The following CD6 variants were observed in gnomAD, a reference collection of about 807,000 sequenced individuals.
The protein encoded by CD6 is CD6 molecule, also known as T-cell differentiation antigen CD6.
CD6 carries 53 observed loss-of-function variants against 75.3 expected under a neutral mutation model. That is an observed-to-expected ratio of 0.70 (90% CI 0.56 to 0.88). The LOEUF is 0.88. Ranked by LOEUF, CD6 falls within the 40% of genes least tolerant of loss-of-function variation. The pLI is 0.00. For missense variants in CD6, 770 were observed against 897.1 expected, an observed-to-expected ratio of 0.86 and a Z score of 1.81; for synonymous variants, 359 against 381.5, an observed-to-expected ratio of 0.94 and a Z score of 0.69.
chr11:60,992,899 TCTC>T (rs1174111459), intron 1 of CD6, among the ~76,000 whole-genome samples: 3 of 151,908 alleles, frequency 2.0e-5, no homozygotes, highest in Non-Finnish European at 4.4e-5. Flanking sequence ...TGAATATTCT[TCTC>T]CTCCTCTCAG....
chr11:61,002,680 C>G (rs972726843), intron 1 of CD6, among the ~76,000 whole-genome samples: 4 of 152,110 alleles, frequency 2.6e-5, no homozygotes, highest in Admixed American at 6.5e-5. Context: ...AACAAAGTAC[C>G]ACAGAGTGAG....
chr11:60,999,337 G>A (rs549413194), intron 1 of CD6, among the ~76,000 whole-genome samples: 5 of 151,034 alleles, frequency 3.3e-5, no homozygotes, highest in Admixed American at 1.3e-4. Flanking sequence ...CTAGTGAGCC[G>A]ATGGTTGTCA....
chr11:61,019,133 G>C (rs1859561522), intron 12 of CD6, 121 bp from the exon 13 acceptor site: 1 of 667,922 alleles, frequency 1.5e-6, no homozygotes, highest in Admixed American at 2.5e-5. Flanking sequence ...AAGATGATCA[G>C]ATGGCTTCAT....
At chr11:60,998,735 T>A (rs1028188430) in intron 1 of CD6, among the ~76,000 whole-genome samples, 1 of 151,846 alleles carries the variant, frequency 6.6e-6, no homozygotes, top group South Asian at 2.1e-4. Flanking sequence ...ACTGTATTAG[T>A]ACTTCAAGCT....
rs575048431 is a variant in CD6, at chr11:61,005,965, A to G, written c.50-609A>G. On this transcript the variant is annotated intron_variant, in intron 1 of 12. Coordinates refer to ENST00000313421, the MANE Select transcript of CD6 (RefSeq NM_006725.5). ...AAAAAGAAAGAAAGAAAGAAAGTAA[A>G]TGGAACAATATATGCAAATATGCAA... 7.2e-5 allele frequency among the ~76,000 whole-genome samples: 11 copies of G among 152,208 alleles called. No individual in the cohort carries two copies. The South Asian group carries it at 2.3e-3, about 32-fold the overall frequency.
rs1590714952 is a variant in CD6, at chr11:61,008,412, G to A, written c.470-122G>A. 3 of 941,326 alleles carry A rather than the reference G, an allele frequency of 3.2e-6. No individual in the cohort carries two copies. In the East Asian group the frequency reaches 8.0e-5, roughly 25 times the overall value. The allele number at this position is 941,326 out of a possible 1,614,324, so 58.3% of individuals were successfully genotyped here. A position where few individuals can be genotyped will look rare whatever the true frequency, so the allele number is the denominator to read the frequency against. On this transcript the variant is annotated intron_variant, in intron 3 of 12. Transcript: ENST00000313421. Reference sequence around the variant, plus strand: ...GGGGGGATTCCCAGTCTTGCCTACCGGGCTACAGCCCTCTCACTGGGTCCA... The same window carrying A: ...GGGGGGATTCCCAGTCTTGCCTACCAGGCTACAGCCCTCTCACTGGGTCCA...
chr11:61,013,789 C>T (rs886798151), intron 7 of CD6, 130 bp from the exon 8 acceptor site: 51 of 732,830 alleles, frequency 7.0e-5, no homozygotes, highest in Admixed American at 3.5e-4. Flanking sequence ...TGTGTTTGTG[C>T]GCGCGCACAT....
chr11:60,999,707 T>A (rs2135118176), intron 1 of CD6, among the ~76,000 whole-genome samples: 1 of 151,546 alleles, frequency 6.6e-6, no homozygotes, highest in African/African-American at 2.4e-5. Flanking sequence ...CCGGTTTGAA[T>A]TTTTTTTTGG....
At chr11:60,980,508 GA>G (rs57870162) in intron 1 of CD6, among the ~76,000 whole-genome samples, 28,068 of 148,542 alleles carry the variant, frequency 0.19, 4,238 homozygotes, top group African/African-American at 0.43. Context: ...TCTCAAAAAA[GA>G]AAAAAAAAAG....
At chr11:60,977,085 G>A (rs141175045) in intron 1 of CD6, among the ~76,000 whole-genome samples, 35 of 152,248 alleles carry the variant, frequency 2.3e-4, no homozygotes, top group African/African-American at 6.3e-4. Flanking sequence ...GCTGGAGCTC[G>A]AACTTTACAG....
chr11:60,982,251 T>C (rs573447823), intron 1 of CD6, among the ~76,000 whole-genome samples: 2 of 151,826 alleles, frequency 1.3e-5, no homozygotes, highest in East Asian at 3.9e-4. Flanking sequence ...TGGAGTCATG[T>C]ACTGAGCCCT....
intron 8 of CD6, chr11:61,015,318 C>A (rs1003689836): frequency 5.8e-6 from 1 of 173,850 alleles, no homozygotes; most frequent in African/African-American, 2.4e-5. Flanking sequence ...TGCCTGTAGT[C>A]CCCGCATTTT....
intron 1 of CD6, among the ~76,000 whole-genome samples, chr11:60,981,872 G>A (rs1425672984): frequency 1.3e-5 from 2 of 152,100 alleles, no homozygotes; most frequent in Admixed American, 6.5e-5. Context: ...TGAGAGATAG[G>A]GAGATGGCCC....
rs774579642 is a variant in CD6, at chr11:61,019,331, C to A, written c.*13C>A. 3 of 1,603,850 alleles carry A rather than the reference C, an allele frequency of 1.9e-6. No individual in the cohort carries two copies. Among genetic ancestry groups the A allele is most frequent in the Non-Finnish European group, 2.5e-6 (3 of 1,178,580 alleles). On this transcript the variant is annotated 3_prime_UTR_variant, in exon 13 of 13. Coordinates refer to ENST00000313421, the MANE Select transcript of CD6 (RefSeq NM_006725.5). ...CAGCGCAGCCTAGGCCGGGGCCAGC[C>A]GAGGCTCCTGGGGTGGCTCTGACCC...
chr11:60,973,188 G>A (rs1384838917), intron 1 of CD6, among the ~76,000 whole-genome samples: 4 of 152,232 alleles, frequency 2.6e-5, no homozygotes, highest in African/African-American at 7.2e-5. Context: ...CAGCAGGAAT[G>A]AGGGCCAGGG....
chr11:61,006,762 C>T, intron 2 of CD6, 120 bp downstream of exon 2: 1 of 778,696 alleles, frequency 1.3e-6, no homozygotes. Flanking sequence ...TCAGACAACA[C>T]TTCTTCCTGA....
At chr11:60,972,052 G>C (rs1409185952) in intron 1 of CD6, 138 bp downstream of exon 1, 4 of 883,588 alleles carry the variant, frequency 4.5e-6, no homozygotes, top group Non-Finnish European at 7.2e-6. Context: ...TACCAGGGAG[G>C]TCCAGCATCT....
At position 61,007,718 on chromosome 11, in the gene CD6, G is replaced by A; in HGVS notation, c.277G>A (p.Ala93Thr). Residue 93 changes from alanine (A) to threonine (T), a missense_variant, in exon 3 of 13, where the codon GCC becomes ACC. Physicochemically the swap from Ala to Thr is moderately conservative, Grantham distance 58 (BLOSUM62 0). Coordinates refer to ENST00000313421, the MANE Select transcript of CD6 (RefSeq NM_006725.5). This position sits in a 1 kb window ranked among gnomAD's most constrained non-coding sequence, Gnocchi z 4.2. The part of the protein sequence containing the change: ...CRALGCGGAE[A>T]ASQLAPPTPE... ...AGCACTGGGCTGCGGCGGGGCGGAG[G>A]CCGCCTCTCAGCTCGCCCCGCCGAC... is the stretch of plus-strand genomic sequence containing the variant. 1 of 1,392,606 alleles carries A rather than the reference G, an allele frequency of 7.2e-7. No homozygotes were observed. The highest frequency in any genetic ancestry group is 1.6e-5 in the South Asian group (1 of 60,748). 86.3% of individuals were successfully genotyped at this position (1,392,606 alleles called of 1,614,324 possible). A position where few individuals can be genotyped will look rare whatever the true frequency, so the allele number is the denominator to read the frequency against.
intron 1 of CD6, among the ~76,000 whole-genome samples, chr11:61,005,323 C>A (rs1016079591): frequency 2.0e-5 from 3 of 152,160 alleles, no homozygotes; most frequent in African/African-American, 7.2e-5. Context: ...TAAGCAATGT[C>A]CTTCACATGA....
Sources: allele counts gnomAD v4.1 joint callset (sites outside exome capture counted in the v4.1 genomes callset), GRCh38; gene constraint gnomAD v4.1.1; non-coding constraint Gnocchi (gnomAD v3.1); transcripts MANE v1.5; gene names NCBI Gene and HGNC (gene_info 2026-07-23, HGNC 2026-07-21).